FGD5: variants seen among roughly 807,000 people sequenced by gnomAD.
FGD5 encodes the protein FYVE, RhoGEF and PH domain-containing protein 5.
A neutral mutation model predicts 133.4 loss-of-function variants in FGD5; 28 were observed. That is an observed-to-expected ratio of 0.21 (90% CI 0.16 to 0.29). The LOEUF is 0.29. Ranked by LOEUF, FGD5 falls within the 10% of genes least tolerant of loss-of-function variation. The pLI is 1.00. For synonymous variants in FGD5, 810 were observed against 776.5 expected, an observed-to-expected ratio of 1.04 and a Z score of -0.72; for missense variants, 1,858 against 1,895.2, an observed-to-expected ratio of 0.98 and a Z score of 0.36.
chr3:14,904,986 A>G (rs2038312349), intron 9 of FGD5, among the ~76,000 whole-genome samples: 1 of 150,712 alleles, frequency 6.6e-6, no homozygotes, highest in East Asian at 1.9e-4. Context: ...TATTTTATGT[A>G]TTTTTTTTTA....
At chr3:14,822,709 G>A (rs577891737) in intron 1 of FGD5, among the ~76,000 whole-genome samples, 1 of 152,178 alleles carries the variant, frequency 6.6e-6, no homozygotes, top group South Asian at 2.1e-4. Flanking sequence ...ATTGTTTGGG[G>A]GCACCTGATC....
At chr3:14,882,296 G>T in intron 4 of FGD5, 1 of 985,322 alleles carries the variant, frequency 1.0e-6, no homozygotes, top group Non-Finnish European at 1.2e-6. Flanking sequence ...TTTTAACTGG[G>T]AAACTTGCAT....
chr3:14,933,304 C>T lies in FGD5; in HGVS notation c.*137C>T, dbSNP rs2038930244. On this transcript the variant is annotated 3_prime_UTR_variant, in exon 20 of 20. Coordinates refer to ENST00000285046, the MANE Select transcript of FGD5 (RefSeq NM_152536.4). ...GGCCTGACCTTTTTTGCTATAACCG[C>T]CCCACCACTCCCCTGCCCTTGCCAA... 3.7e-6 allele frequency: 3 copies of T among 821,352 alleles called. No homozygotes were observed. Among genetic ancestry groups the T allele is most frequent in the South Asian group, 3.0e-5 (2 of 67,404 alleles). 50.9% of individuals were successfully genotyped at this position (821,352 alleles called of 1,614,324 possible). A position where few individuals can be genotyped will look rare whatever the true frequency, so the allele number is the denominator to read the frequency against.
intron 1 of FGD5, among the ~76,000 whole-genome samples, chr3:14,837,397 A>T (rs1005271956): frequency 6.6e-6 from 1 of 152,016 alleles, no homozygotes; most frequent in African/African-American, 2.4e-5. Flanking sequence ...CTTCTAATCC[A>T]CCATTCCTTG....
chr3:14,820,766 G>C lies in FGD5; in HGVS notation c.1695G>C (p.Glu565Asp). 6.2e-7 allele frequency: 1 copy of C among 1,613,442 alleles called. No individual in the cohort carries two copies. The highest frequency in any genetic ancestry group is 8.5e-7 in the Non-Finnish European group (1 of 1,179,682). Residue 565 changes from glutamate to aspartate, a missense_variant, in exon 1 of 20, where the codon GAG (glutamate) becomes GAC (aspartate). Physicochemically the swap from Glu to Asp is conservative, Grantham distance 45. Around this residue, in one of 3 missense-constraint regions of FGD5, gnomAD observed 1,824 missense variants for 1,848.9 expected, o/e 0.99. Coordinates refer to ENST00000285046, the MANE Select transcript of FGD5 (RefSeq NM_152536.4). ...GREIPVSVYQ[E>D]PEGSGLDDHR... The stretch of plus-strand genomic sequence containing the variant: ...AGATTCCAGTGTCCGTGTACCAGGA[G>C]CCTGAGGGGTCAGGGTTGGATGACC...
At chr3:14,827,281 CTTTT>C (rs1176016508) in intron 1 of FGD5, among the ~76,000 whole-genome samples, 6 of 104,782 alleles carry the variant, frequency 5.7e-5, no homozygotes, top group African/African-American at 9.5e-5. Flanking sequence ...TTCTGGTATT[CTTTT>C]TTTTTTTTTT....
chr3:14,892,196 T>A (rs2038043028), intron 4 of FGD5, among the ~76,000 whole-genome samples: 1 of 151,904 alleles, frequency 6.6e-6, no homozygotes, highest in Non-Finnish European at 1.5e-5. Context: ...AAAAGACCTT[T>A]TTTTTTTATT....
At chr3:14,931,932 A>G (rs2038905170) in intron 18 of FGD5, 1 of 152,156 alleles carries the variant, frequency 6.6e-6, no homozygotes, top group African/African-American at 2.4e-5. Context: ...ATCTTGGGCA[A>G]TTAACCTTTT....
Position 14,898,028 on chromosome 3 carries a change from A to G in FGD5, c.2999A>G (p.Tyr1000Cys). The G allele has an allele frequency of 6.2e-7, 1 of 1,613,986 alleles. No homozygotes were observed. Among genetic ancestry groups the G allele is most frequent in the Non-Finnish European group, 8.5e-7 (1 of 1,179,880 alleles). Residue 1000 changes from tyrosine (Y) to cysteine (C), a missense_variant, in exon 6 of 20, where the codon TAC (tyrosine) becomes TGC (cysteine). Physicochemically the swap from Tyr to Cys is radical, Grantham distance 194 (BLOSUM62 -2). Around this residue, in one of 3 missense-constraint regions of FGD5, gnomAD observed 1,824 missense variants for 1,848.9 expected, o/e 0.99. Transcript: ENST00000285046. Reference sequence around the variant, plus strand: ...ACTCACATCCTGCAGTTCGACAGGTACCTAGGTCTGCTCAGTGAGAATTGC... The same window carrying G: ...ACTCACATCCTGCAGTTCGACAGGTGCCTAGGTCTGCTCAGTGAGAATTGC... ...HATHILQFDR[Y>C]LGLLSENCLH...
intron 1 of FGD5, among the ~76,000 whole-genome samples, chr3:14,829,609 G>A (rs1280295002): frequency 6.6e-6 from 1 of 152,128 alleles, no homozygotes; most frequent in African/African-American, 2.4e-5. Flanking sequence ...TTTACAGTCT[G>A]GTCCCAAATA....
intron 2 of FGD5, among the ~76,000 whole-genome samples, chr3:14,879,246 C>T (rs1240804454): frequency 6.6e-6 from 1 of 152,250 alleles, no homozygotes; most frequent in Non-Finnish European, 1.5e-5. Context: ...TGAGTGCCCT[C>T]TGCTCTGCCA....
In FGD5 at chr3:14,917,925, T is replaced by G. The variant is rs1261801691; in HGVS notation, c.3489+593T>G. On this transcript the variant is annotated intron_variant, in intron 12 of 19. Transcript: ENST00000285046. The surrounding 1 kb of genome is among the most constrained non-coding windows in gnomAD (Gnocchi z 4.1). ...ACCTCGAATGAGGAGTCACACAGTA[T>G]TGATCCTTGTTTCACTTAGCACAGT... 2.0e-5 allele frequency among the ~76,000 whole-genome samples: 3 copies of G among 152,334 alleles called. No individual in the cohort carries two copies. Among genetic ancestry groups the G allele is most frequent in the South Asian group, 2.1e-4 (1 of 4,824 alleles).
intron 11 of FGD5, among the ~76,000 whole-genome samples, chr3:14,912,458 C>G (rs982051104): frequency 2.6e-5 from 4 of 152,188 alleles, no homozygotes; most frequent in African/African-American, 9.7e-5. Flanking sequence ...GATCTGAGAG[C>G]CAAGCAGTGC....
intron 1 of FGD5, among the ~76,000 whole-genome samples, chr3:14,859,573 A>AAAAG (rs58405808): frequency 5.3e-5 from 8 of 151,736 alleles, no homozygotes; most frequent in Admixed American, 1.3e-4. Flanking sequence ...AAAAAATAAT[A>AAAAG]AAAGAAAGAA....
At chr3:14,893,450 C>G (rs926164952) in intron 4 of FGD5, among the ~76,000 whole-genome samples, 1 of 152,136 alleles carries the variant, frequency 6.6e-6, no homozygotes, top group African/African-American at 2.4e-5. Context: ...CTCCTGGGCT[C>G]AAGCAATCTT....
chr3:14,820,085 C>T lies in FGD5; in HGVS notation c.1014C>T (p.Phe338=), dbSNP rs201546003. The T allele has an allele frequency of 3.5e-5, 56 of 1,613,930 alleles. No individual in the cohort carries two copies. The highest frequency in any genetic ancestry group is 1.8e-4 in the East Asian group (8 of 44,902). ...VPFENDCMED[F]VTSLTGSPYE... Reference sequence around the variant, plus strand: ...TTGAGAATGACTGCATGGAGGACTTCGTGACTTCCCTCACAGGAAGCCCCT... The same window carrying T: ...TTGAGAATGACTGCATGGAGGACTTTGTGACTTCCCTCACAGGAAGCCCCT... Residue 338 remains phenylalanine, a synonymous_variant, in exon 1 of 20, where the codon TTC becomes TTT. Transcript: ENST00000285046.
chr3:14,924,929 A>G (rs1024668986), intron 17 of FGD5, among the ~76,000 whole-genome samples: 15 of 151,840 alleles, frequency 9.9e-5, no homozygotes, highest in South Asian at 4.2e-4. Flanking sequence ...GTGAAACCCC[A>G]TCTCTACTAA....
At chr3:14,881,314 G>A (rs1328983648) in intron 4 of FGD5, among the ~76,000 whole-genome samples, 3 of 108,898 alleles carry the variant, frequency 2.8e-5, no homozygotes, top group African/African-American at 1.1e-4. Context: ...GCTCCCCTTC[G>A]TAACTCACAG....
At chr3:14,814,651 C>T (rs2036342684), upstream of FGD5, among the ~76,000 whole-genome samples, 4 of 152,184 alleles carry the variant, frequency 2.6e-5, no homozygotes, top group South Asian at 8.3e-4. Flanking sequence ...GCCTTAAATT[C>T]CATCTCTATG....
Sources: gnomAD v4.1 joint callset for allele counts (sites outside exome capture counted in the v4.1 genomes callset) on GRCh38, gnomAD v4.1.1 for gene constraint, gnomAD v4.1.1 regional missense constraint, Gnocchi (gnomAD v3.1) non-coding constraint, MANE v1.5 for transcripts, NCBI Gene and HGNC (gene_info 2026-07-23, HGNC 2026-07-21) for gene names.